Variants in PICALM observed in about 807,000 individuals in gnomAD.
PICALM encodes phosphatidylinositol binding clathrin assembly protein, also known as phosphatidylinositol-binding clathrin assembly protein.
PICALM carries 40 observed loss-of-function variants against 80.5 expected under a neutral mutation model. The observed-to-expected ratio is 0.50, with a 90% confidence interval of 0.39 to 0.65. The LOEUF (loss-of-function observed/expected upper bound fraction) is 0.65. PICALM is among the 30% of genes least tolerant of loss of function. PICALM has a pLI of 0.00. For synonymous variants in PICALM, 288 were observed against 260.3 expected (o/e 1.11, Z -1.02); for missense variants, 676 against 778.9 (o/e 0.87, Z 1.57).
chr11:86,036,213 A>G (rs1371005382), intron 1 of PICALM, among the ~76,000 whole-genome samples: 1 of 152,218 alleles, frequency 6.6e-6, no homozygotes, highest in Non-Finnish European at 1.5e-5. Flanking sequence ...AATTAGACAT[A>G]GGCTAATCAA....
intron 18 of PICALM, among the ~76,000 whole-genome samples, chr11:85,976,047 G>T (rs1487633097): frequency 6.6e-6 from 1 of 152,190 alleles, no homozygotes; most frequent in East Asian, 1.9e-4. Context: ...CTTCTACCAG[G>T]AACAGTTCCT....
intron 4 of PICALM, among the ~76,000 whole-genome samples, chr11:86,016,303 C>A (rs1028003339): frequency 6.6e-6 from 1 of 152,198 alleles, no homozygotes; most frequent in South Asian, 2.1e-4. Context: ...AGCCCCACCC[C>A]TGAAGAACAA....
In PICALM at chr11:85,999,088, T is replaced by C. The variant is rs182010939; in HGVS notation, c.1154+1555A>G. ...CTCAAACATTCATCATTTCTCTGTG[T>C]TGAGAACATTCTAAATCTTCTAGCT... On this transcript the variant is annotated intron_variant, in intron 11 of 19. Transcript: ENST00000393346. Among the ~76,000 whole-genome samples, 200 of 152,374 alleles carry C rather than the reference T, an allele frequency of 1.3e-3. 1 individual carries two copies. The highest frequency in any genetic ancestry group is 4.7e-3 in the African/African-American group (195 of 41,590).
chr11:86,011,204 A>T (rs1400899887), intron 6 of PICALM, 68 bp from the exon 7 acceptor site: 1 of 670,754 alleles, frequency 1.5e-6, no homozygotes, highest in African/African-American at 1.8e-5. Context: ...GGAAAAAAAA[A>T]GTAGGTAATA....
intron 3 of PICALM, 46 bp from the exon 4 acceptor site, chr11:86,022,515 T>C: frequency 9.7e-7 from 1 of 1,029,732 alleles, no homozygotes; most frequent in South Asian, 1.6e-5. Flanking sequence ...AGAGACAAGT[T>C]TTTATAAATG....
At chr11:86,049,110 T>A (rs2096130894) in intron 1 of PICALM, among the ~76,000 whole-genome samples, 1 of 152,016 alleles carries the variant, frequency 6.6e-6, no homozygotes, top group African/African-American at 2.4e-5. Context: ...CTGACCAACA[T>A]GGCAAAAGCC....
chr11:86,056,420 A>C (rs1225932491), intron 1 of PICALM, among the ~76,000 whole-genome samples: 2 of 151,940 alleles, frequency 1.3e-5, no homozygotes, highest in African/African-American at 4.8e-5. Context: ...AAACAGCATT[A>C]ACCACTAGGG....
intron 9 of PICALM, among the ~76,000 whole-genome samples, chr11:86,002,685 A>G (rs2095175555): frequency 6.6e-6 from 1 of 152,180 alleles, no homozygotes; most frequent in Admixed American, 6.5e-5. Context: ...TCACAGGGCT[A>G]TTGTGAGGAT....
At chr11:86,061,243 C>T (rs1386359788) in intron 1 of PICALM, among the ~76,000 whole-genome samples, 1 of 146,564 alleles carries the variant, frequency 6.8e-6, no homozygotes, top group Non-Finnish European at 1.5e-5. Flanking sequence ...GCAGAAGAAT[C>T]ACTTGAACCC....
intron 11 of PICALM, among the ~76,000 whole-genome samples, chr11:85,997,706 G>A (rs1198279759): frequency 6.6e-6 from 1 of 152,202 alleles, no homozygotes; most frequent in Non-Finnish European, 1.5e-5. Flanking sequence ...CTTGACCTCA[G>A]GTGATACGCC....
At chr11:86,034,717 A>C (rs957805478) in intron 1 of PICALM, among the ~76,000 whole-genome samples, 1 of 152,228 alleles carries the variant, frequency 6.6e-6, no homozygotes, top group African/African-American at 2.4e-5. Flanking sequence ...ATGAGTGAGA[A>C]TTTACAAAGA....
chr11:85,972,005 A>C (rs1259313929), intron 19 of PICALM, among the ~76,000 whole-genome samples: 1 of 150,934 alleles, frequency 6.6e-6, no homozygotes, highest in Non-Finnish European at 1.5e-5. Context: ...CTGGTCTTGA[A>C]CTCCCGACCT....
intron 3 of PICALM, chr11:86,023,609 T>C (rs967829967): frequency 1.0e-6 from 1 of 979,972 alleles, no homozygotes; most frequent in African/African-American, 1.8e-5. Flanking sequence ...CTTAAGAAAA[T>C]GATAAATCAG....
chr11:86,032,711 A>ATG (rs1178210768), intron 1 of PICALM, among the ~76,000 whole-genome samples: 1 of 152,200 alleles, frequency 6.6e-6, no homozygotes, highest in Admixed American at 6.5e-5. Context: ...AAATATATAT[A>ATG]AAATGTAATG....
chr11:85,983,991 G>GA lies in PICALM; in HGVS notation c.1409-19dup, dbSNP rs772004860. Reference sequence around the variant, plus strand: ...AGTGAATCCTGAGTAAACCAAAATGGAAAAAAGCTCAATTATTTAATAACT... The same window carrying GA: ...AGTGAATCCTGAGTAAACCAAAATGGAAAAAAAGCTCAATTATTTAATAACT... On this transcript the variant is annotated intron_variant, in intron 13 of 19. Transcript: ENST00000393346. 1 of 1,143,044 alleles carries GA rather than the reference G, an allele frequency of 8.7e-7. No individual in the cohort carries two copies. Among genetic ancestry groups the GA allele is most frequent in the Non-Finnish European group, 1.3e-6 (1 of 764,460 alleles). 70.8% of individuals were successfully genotyped at this position (1,143,044 alleles called of 1,614,324 possible). A position where few individuals can be genotyped will look rare whatever the true frequency, so the allele number is the denominator to read the frequency against.
At chr11:86,024,603 C>T (rs1293191676) in intron 3 of PICALM, among the ~76,000 whole-genome samples, 1 of 151,640 alleles carries the variant, frequency 6.6e-6, no homozygotes, top group Non-Finnish European at 1.5e-5. Context: ...ACACATAATT[C>T]CCTCTCCCCT....
intron 19 of PICALM, among the ~76,000 whole-genome samples, chr11:85,966,556 A>G (rs34700169): frequency 0.1 from 15,380 of 152,290 alleles, 946 homozygotes; most frequent in Admixed American, 0.14. Context: ...TCAAAGTTAC[A>G]TAGAGAATTT....
chr11:86,019,132 TA>T (rs563643669), intron 4 of PICALM, among the ~76,000 whole-genome samples: 14 of 151,708 alleles, frequency 9.2e-5, no homozygotes, highest in East Asian at 1.9e-4. Context: ...TTTGTAAACA[TA>T]AAAAAAAATC....
intron 18 of PICALM, among the ~76,000 whole-genome samples, chr11:85,976,230 G>A (rs532912204): frequency 6.6e-6 from 1 of 152,234 alleles, no homozygotes; most frequent in South Asian, 2.1e-4. Context: ...AATTTCTCTA[G>A]CCTTTATCAG....
Sources: gnomAD v4.1 joint callset for allele counts (sites outside exome capture counted in the v4.1 genomes callset) on GRCh38, gnomAD v4.1.1 for gene constraint, MANE v1.5 for transcripts, NCBI Gene and HGNC (gene_info 2026-07-23, HGNC 2026-07-21) for gene names.